The following NBEAL2 variants were observed in gnomAD, a reference collection of about 807,000 sequenced individuals.
NBEAL2 encodes the protein neurobeachin-like protein 2.
In NBEAL2, 160 loss-of-function variants were observed where a neutral mutation model predicts 299.8. That is an observed-to-expected ratio of 0.53 (90% confidence interval 0.47 to 0.61). The LOEUF is 0.61. NBEAL2 is among the 20% of genes least tolerant of loss of function. The pLI, the probability that NBEAL2 is intolerant of heterozygous loss-of-function variation, is 0.00. For missense variants in NBEAL2, 3,112 were observed against 3,649.0 expected (o/e 0.85, Z 3.79); for synonymous variants, 1,493 against 1,542.3 (o/e 0.97, Z 0.75).
At chr3:47,006,502 C>A in intron 45 of NBEAL2, 53 bp downstream of exon 45, 1 of 1,499,792 alleles carries the variant, frequency 6.7e-7, no homozygotes, top group South Asian at 1.2e-5. Flanking sequence ...GGTTTAACCC[C>A]ACTGTCCTTA....
In NBEAL2 at chr3:47,005,723, A is replaced by C; in HGVS notation, c.6692-15A>C. 6.2e-7 allele frequency: 1 copy of C among 1,612,748 alleles called. No individual in the cohort carries two copies. Among genetic ancestry groups the C allele is most frequent in the Middle Eastern group, 1.7e-4 (1 of 6,060 alleles). Reference sequence around the variant, plus strand: ...GGATGGACAGGGAGACAGCTGACCCAGTCCTCTGTGCCAGGTTTTGACCTG... The same window carrying C: ...GGATGGACAGGGAGACAGCTGACCCCGTCCTCTGTGCCAGGTTTTGACCTG... On this transcript the variant is annotated splice_polypyrimidine_tract_variant and intron_variant, in intron 41 of 53. Coordinates refer to ENST00000450053, the MANE Select transcript of NBEAL2 (RefSeq NM_015175.3).
chr3:46,984,864 G>C (rs954414684), intron 1 of NBEAL2, among the ~76,000 whole-genome samples: 2 of 152,168 alleles, frequency 1.3e-5, no homozygotes, highest in Non-Finnish European at 2.9e-5. Context: ...GGGCAGGCCA[G>C]AGCCCCTGGA....
At chr3:46,997,527 G>C in intron 19 of NBEAL2, 34 bp from the exon 20 acceptor site, 1 of 1,584,464 alleles carries the variant, frequency 6.3e-7, no homozygotes, top group South Asian at 1.1e-5. Context: ...GCAGGCCCTT[G>C]ACACACATCT....
At chr3:47,005,904 G>A (rs770987647) in intron 42 of NBEAL2, 42 bp from the exon 43 acceptor site, 5 of 1,611,978 alleles carry the variant, frequency 3.1e-6, no homozygotes, top group Non-Finnish European at 4.2e-6. Flanking sequence ...GATCATGGGG[G>A]GTCAGCTGTC....
At chr3:46,992,427 C>T (rs776644431) in intron 9 of NBEAL2, 48 bp from the exon 10 acceptor site, 4 of 1,523,218 alleles carry the variant, frequency 2.6e-6, no homozygotes, top group Non-Finnish European at 1.8e-6. Flanking sequence ...CCATCTTCCT[C>T]CTCTCTTCTT....
At chr3:46,981,564 T>C (rs913969698) in intron 1 of NBEAL2, among the ~76,000 whole-genome samples, 1 of 152,154 alleles carries the variant, frequency 6.6e-6, no homozygotes, top group African/African-American at 2.4e-5. Flanking sequence ...CCTGGCCCCA[T>C]TGGGTCCCCT....
Position 46,991,194 on chromosome 3 carries a change from A to C in NBEAL2, c.557-25A>C, listed in dbSNP as rs1308992312. The C allele has an allele frequency of 5.1e-6, 8 of 1,576,568 alleles. No individual in the cohort carries two copies. Among genetic ancestry groups the C allele is most frequent in the Non-Finnish European group, 6.9e-6 (8 of 1,156,634 alleles). On this transcript the variant is annotated intron_variant, in intron 6 of 53. Coordinates refer to ENST00000450053, the MANE Select transcript of NBEAL2 (RefSeq NM_015175.3). This position sits in a 1 kb window ranked among gnomAD's most constrained non-coding sequence, Gnocchi z 6.2. ...ATAGCCCTGCAACCTTGGTGACATT[A>C]CCCTGCCCACACCCCCCTACCCAGA... is the stretch of plus-strand genomic sequence containing the variant.
rs759922104 is a variant in NBEAL2, at chr3:46,997,603, T to G, written c.2867T>G (p.Met956Arg). The G allele has an allele frequency of 6.2e-7, 1 of 1,600,838 alleles. No individual in the cohort carries two copies. Among genetic ancestry groups the G allele is most frequent in the Non-Finnish European group, 8.5e-7 (1 of 1,170,160 alleles). Residue 956 changes from methionine to arginine, a missense_variant, in exon 20 of 54, where the codon ATG becomes AGG. This residue lies in a region of NBEAL2 where 2,243 missense variants were observed against 2,538.1 expected (regional missense o/e 0.88). Coordinates refer to ENST00000450053, the MANE Select transcript of NBEAL2 (RefSeq NM_015175.3). ...ERNAVAAFLL[M>R]LRNFLQGHMV... ...AACGCAGTGGCTGCTTTTCTGCTGA[T>G]GCTGCGGAACTTCCTTCAGGGTCAC...
intron 1 of NBEAL2, among the ~76,000 whole-genome samples, 169 bp downstream of exon 1, chr3:46,980,081 G>C (rs1438083400): frequency 6.6e-6 from 1 of 151,960 alleles, no homozygotes; most frequent in East Asian, 1.9e-4. Context: ...TGTGCCCCCA[G>C]CCCGCCGGGT....
In NBEAL2 at chr3:46,996,340, C is replaced by A; in HGVS notation, c.2221C>A (p.Pro741Thr). 6 of 1,612,188 alleles carry A rather than the reference C, an allele frequency of 3.7e-6. No homozygotes were observed. The highest frequency in any genetic ancestry group is 5.1e-6 in the Non-Finnish European group (6 of 1,179,858). The change falls in exon 16 of 54, where the codon CCA (proline) becomes ACA (threonine). Residue 741 changes from proline to threonine, a missense_variant. Coordinates refer to ENST00000450053, the MANE Select transcript of NBEAL2 (RefSeq NM_015175.3). ...TTTTTTGLPT[P>T]PVPATLAYTH... ...GACCACCACCACAGGGCTGCCCACA[C>A]CACCAGTCCCCGCCACCCTGGCCTA...
chr3:47,005,265 C>A lies in NBEAL2; in HGVS notation c.6504C>A (p.His2168Gln). The A allele has an allele frequency of 6.2e-7, 1 of 1,613,452 alleles. No individual in the cohort carries two copies. Among genetic ancestry groups the A allele is most frequent in the Non-Finnish European group, 8.5e-7 (1 of 1,179,876 alleles). ...THYSNAAGVM[H>Q]YLIRVEPFTS... ...ACTCCAATGCAGCAGGCGTGATGCA[C>A]TACCTCATCCGCGTGGAGCCCTTCA... Residue 2168 changes from histidine to glutamine, a missense_variant, in exon 40 of 54, where the codon CAC (histidine) becomes CAA (glutamine). Coordinates refer to ENST00000450053, the MANE Select transcript of NBEAL2 (RefSeq NM_015175.3).
chr3:46,986,222 G>A (rs985844976), intron 1 of NBEAL2, among the ~76,000 whole-genome samples: 6 of 152,212 alleles, frequency 3.9e-5, no homozygotes, highest in Non-Finnish European at 8.8e-5. Context: ...TTACAGGACT[G>A]GACAGGCCAA....
At chr3:46,980,364 G>T (rs1244413390) in intron 1 of NBEAL2, among the ~76,000 whole-genome samples, 1 of 152,118 alleles carries the variant, frequency 6.6e-6, no homozygotes, top group Admixed American at 6.5e-5. Flanking sequence ...GTGGCCAACG[G>T]GTCTGGGGGT....
At chr3:46,994,112 A>G in intron 11 of NBEAL2, 92 bp downstream of exon 11, 2 of 1,318,310 alleles carry the variant, frequency 1.5e-6, no homozygotes, top group South Asian at 1.3e-5. Context: ...GGCCATAAGC[A>G]TCCTGCTCCC....
chr3:46,980,131 G>C (rs1400657419), intron 1 of NBEAL2, among the ~76,000 whole-genome samples: 1 of 152,144 alleles, frequency 6.6e-6, no homozygotes, highest in Non-Finnish European at 1.5e-5. Context: ...GCTCGCGGTC[G>C]TGCACTTCAT....
Position 47,004,415 on chromosome 3 carries a change from G to C in NBEAL2, c.6198+22G>C. 6.3e-7 allele frequency: 1 copy of C among 1,590,552 alleles called. No homozygotes were observed. Among genetic ancestry groups the C allele is most frequent in the Non-Finnish European group, 8.6e-7 (1 of 1,165,566 alleles). On this transcript the variant is annotated intron_variant, in intron 37 of 53. Transcript: ENST00000450053. The surrounding 1 kb of genome is among the most constrained non-coding windows in gnomAD (Gnocchi z 5.0). The stretch of plus-strand genomic sequence containing the variant: ...CCAGGTGAGAGCCCTGGGTGTGAGG[G>C]ATGTGAAGTCGGGACCCTGAATCAC...
rs1414814026 is a variant in NBEAL2, at chr3:46,994,437, C to T, written c.1198-18C>T. ...GCCCATGTATGTGTTCACTTCTTCCCCATACTACCTTACACAGGAGGTGTT... is the reference window on the plus strand; with the variant it reads ...GCCCATGTATGTGTTCACTTCTTCCTCATACTACCTTACACAGGAGGTGTT... On this transcript the variant is annotated intron_variant, in intron 11 of 53. Coordinates refer to ENST00000450053, the MANE Select transcript of NBEAL2 (RefSeq NM_015175.3). The T allele has an allele frequency of 6.4e-7, 1 of 1,570,060 alleles. No homozygotes were observed. Among genetic ancestry groups the T allele is most frequent in the South Asian group, 1.2e-5 (1 of 86,072 alleles).
At position 47,005,788 on chromosome 3, in the gene NBEAL2, G is replaced by A. The variant is rs773309057; in HGVS notation, c.6742G>A (p.Val2248Met). The change falls in exon 42 of 54, where the codon GTG becomes ATG. Residue 2248 changes from valine (V) to methionine (M), a missense_variant. Coordinates refer to ENST00000450053, the MANE Select transcript of NBEAL2 (RefSeq NM_015175.3). ...QLTNEKVGDV[V>M]LPPWASSPED... ...GACCAACGAGAAGGTAGGCGATGTGGTGCTACCCCCGTGGGCCAGCTCTCC... is the reference window on the plus strand; with the variant it reads ...GACCAACGAGAAGGTAGGCGATGTGATGCTACCCCCGTGGGCCAGCTCTCC... 2 of 1,613,350 alleles carry A rather than the reference G, an allele frequency of 1.2e-6. No homozygotes were observed. The highest frequency in any genetic ancestry group is 1.7e-6 in the Non-Finnish European group (2 of 1,179,864).
chr3:46,999,080 C>G lies in NBEAL2; in HGVS notation c.3506C>G (p.Pro1169Arg), dbSNP rs749368928. 3 of 1,589,758 alleles carry G rather than the reference C, an allele frequency of 1.9e-6. No homozygotes were observed. Residue 1169 changes from proline to arginine, a missense_variant, in exon 24 of 54, where the codon CCA becomes CGA. Physicochemically the swap from Pro to Arg is moderately radical, Grantham distance 103. Around this residue, in one of 3 missense-constraint regions of NBEAL2, gnomAD observed 2,243 missense variants for 2,538.1 expected, o/e 0.88. Transcript: ENST00000450053. ...GTGCTACTGGCCCTGCTAGTGCGGCCAGGGTCACTGCCCCTGCTGCCCGAT... is the reference window on the plus strand; with the variant it reads ...GTGCTACTGGCCCTGCTAGTGCGGCGAGGGTCACTGCCCCTGCTGCCCGAT... Reference protein sequence around the residue: ...LEVLLALLVRPGSLPLLPDRV... With the variant: ...LEVLLALLVRRGSLPLLPDRV...
Sources: gnomAD v4.1 joint callset for allele counts (sites outside exome capture counted in the v4.1 genomes callset) on GRCh38, gnomAD v4.1.1 for gene constraint, gnomAD v4.1.1 regional missense constraint, Gnocchi (gnomAD v3.1) non-coding constraint, MANE v1.5 for transcripts, NCBI Gene and HGNC (gene_info 2026-07-23, HGNC 2026-07-21) for gene names.